The following OCA2 variants were observed in gnomAD, a reference collection of about 807,000 sequenced individuals.
OCA2 encodes P protein.
A neutral mutation model predicts 100.2 loss-of-function variants in OCA2; 77 were observed. The ratio of observed to expected loss-of-function variants is 0.77; its 90% CI spans 0.64 to 0.93. The LOEUF (loss-of-function observed/expected upper bound fraction) is 0.93. OCA2 is among the 40% of genes least tolerant of loss of function. The probability of loss-of-function intolerance (pLI) is 0.00; values close to 1 mark genes in which losing one functional copy is unlikely to be tolerated. For synonymous variants in OCA2, 432 were observed against 439.2 expected, an observed-to-expected ratio of 0.98 and a Z score of 0.21; for missense variants, 1,062 against 1,089.1, an observed-to-expected ratio of 0.98 and a Z score of 0.35.
chr15:27,779,785 AT>A (rs2151083636), intron 23 of OCA2, among the ~76,000 whole-genome samples: 1 of 152,272 alleles, frequency 6.6e-6, no homozygotes, highest in East Asian at 1.9e-4. Context: ...ATAGGGAAGG[AT>A]TTACTATTGC....
chr15:27,821,408 G>A (rs1301997233), intron 23 of OCA2, among the ~76,000 whole-genome samples: 1 of 152,064 alleles, frequency 6.6e-6, no homozygotes, highest in African/African-American at 2.4e-5. Flanking sequence ...ACCCACATGG[G>A]CACATACATG....
intron 19 of OCA2, among the ~76,000 whole-genome samples, chr15:27,907,889 A>G (rs1180064472): frequency 6.6e-6 from 1 of 152,200 alleles, no homozygotes; most frequent in African/African-American, 2.4e-5. Context: ...CCCAAAAAAG[A>G]GCCAGGCCAA....
intron 11 of OCA2, 77 bp downstream of exon 11, chr15:27,989,524 C>A (rs1396360399): frequency 3.5e-6 from 4 of 1,153,556 alleles, no homozygotes; most frequent in Admixed American, 1.7e-5. Context: ...TAATGAAGGA[C>A]CCTCAGCGGT....
At position 28,016,141 on chromosome 15, in the gene OCA2, G is replaced by A; in HGVS notation, c.853C>T (p.His285Tyr). The change falls in exon 8 of 24, where the codon CAC becomes TAC. Residue 285 changes from histidine to tyrosine, a missense_variant. Transcript: ENST00000354638. ...TCAAAGGTCCTGCTCATCACTGAGT[G>A]CTCGCTTCTCCTCGGATTTAAATAC... is the stretch of plus-strand genomic sequence containing the variant. Reference protein sequence around the residue: ...TVYLNPRRSEHSVMSRTFEVL... With the variant: ...TVYLNPRRSEYSVMSRTFEVL... 6.2e-7 allele frequency: 1 copy of A among 1,614,176 alleles called. No individual in the cohort carries two copies. The highest frequency in any genetic ancestry group is 1.6e-4 in the Middle Eastern group (1 of 6,062).
the OCA2 span, among the ~76,000 whole-genome samples, chr15:27,738,991 G>C: frequency 2.2e-5 from 1 of 44,996 alleles, no homozygotes; most frequent in Admixed American, 2.0e-4. Context: ...TGCTCTACAG[G>C]TGGGACCCTG....
At chr15:27,774,581 T>A (rs2032082157) in intron 23 of OCA2, among the ~76,000 whole-genome samples, 1 of 152,230 alleles carries the variant, frequency 6.6e-6, no homozygotes, top group Non-Finnish European at 1.5e-5. Context: ...GTGAGACCAT[T>A]TTGGTTTCTC....
intron 19 of OCA2, among the ~76,000 whole-genome samples, chr15:27,877,383 AT>A (rs142582506): frequency 1.3e-4 from 19 of 150,906 alleles, no homozygotes; most frequent in African/African-American, 4.4e-4. Context: ...GGCTTTCCTG[AT>A]TTTTTTTTGT....
At chr15:27,982,972 T>A (rs551521773) in intron 14 of OCA2, among the ~76,000 whole-genome samples, 1 of 152,324 alleles carries the variant, frequency 6.6e-6, no homozygotes, top group African/African-American at 2.4e-5. Context: ...ATCAGTAAAC[T>A]AATCCACCAC....
intron 3 of OCA2, among the ~76,000 whole-genome samples, chr15:28,030,796 A>C (rs2042886901): frequency 6.6e-6 from 1 of 152,246 alleles, no homozygotes; most frequent in South Asian, 2.1e-4. Context: ...AGTGATTCAA[A>C]ATCAAAGCTG....
Position 28,018,521 on chromosome 15 carries a change from A to G in OCA2, c.683T>C (p.Leu228Pro). Residue 228 changes from leucine (L) to proline (P), a missense_variant, in exon 7 of 24, where the codon CTG (leucine) becomes CCG (proline). Transcript: ENST00000354638. ...TAGGGCCCCTGCCAGGTCCACCTGCAGCAGCGTGGAGTCCACGTGGCTGCT... is the reference window on the plus strand; with the variant it reads ...TAGGGCCCCTGCCAGGTCCACCTGCGGCAGCGTGGAGTCCACGTGGCTGCT... ...NLSSHVDSTL[L>P]QVDLAGALVA... 6.2e-7 allele frequency: 1 copy of G among 1,613,710 alleles called. No homozygotes were observed. The highest frequency in any genetic ancestry group is 8.5e-7 in the Non-Finnish European group (1 of 1,179,938).
At chr15:28,041,210 T>C (rs1214953871) in intron 2 of OCA2, among the ~76,000 whole-genome samples, 1 of 150,122 alleles carries the variant, frequency 6.7e-6, no homozygotes, top group Non-Finnish European at 1.5e-5. Context: ...TGGCTTAAAA[T>C]GGGAAAAATC....
the OCA2 span, among the ~76,000 whole-genome samples, chr15:27,739,402 T>G: frequency 6.6e-6 from 1 of 151,570 alleles, no homozygotes; most frequent in Non-Finnish European, 1.5e-5. Context: ...TGCCTGCTGA[T>G]CATTACACTT....
Position 28,007,199 on chromosome 15 carries a change from T to A in OCA2, c.1044+7577A>T, listed in dbSNP as rs1167929550. Among the ~76,000 whole-genome samples, 4 of 152,230 alleles carry A rather than the reference T, an allele frequency of 2.6e-5. No homozygotes were observed. The South Asian group carries it at 6.2e-4, about 24-fold the overall frequency. On this transcript the variant is annotated intron_variant, in intron 9 of 23. Coordinates refer to ENST00000354638, the MANE Select transcript of OCA2 (RefSeq NM_000275.3). ...TTAAAACATAATACCAGGGGTTGGA[T>A]GGAAGACATATGGAGAAAATGCACT...
At chr15:27,896,362 T>C in intron 19 of OCA2, 1 of 763,370 alleles carries the variant, frequency 1.3e-6, no homozygotes, top group African/African-American at 1.7e-5. Context: ...AAACAGTTCG[T>C]TCAATACAGG....
At chr15:27,771,310 C>T (rs2031832829) in intron 23 of OCA2, among the ~76,000 whole-genome samples, 1 of 151,958 alleles carries the variant, frequency 6.6e-6, no homozygotes, top group Admixed American at 6.6e-5. Flanking sequence ...CACTCCACGG[C>T]CCCAGCTCGG....
At chr15:27,827,695 A>G (rs2034787161) in intron 23 of OCA2, among the ~76,000 whole-genome samples, 1 of 152,234 alleles carries the variant, frequency 6.6e-6, no homozygotes, top group Non-Finnish European at 1.5e-5. Context: ...TTTTATTTTA[A>G]GCTTAGTGGA....
chr15:27,762,630 A>G (rs2030934072), intron 23 of OCA2, among the ~76,000 whole-genome samples: 1 of 152,192 alleles, frequency 6.6e-6, no homozygotes, highest in African/African-American at 2.4e-5. Context: ...CACCCTGCAC[A>G]TTCAGTGATG....
Position 27,853,325 on chromosome 15 carries a change from A to T in OCA2, c.2245-1850T>A, listed in dbSNP as rs2035830297. On this transcript the variant is annotated intron_variant, in intron 21 of 23. Transcript: ENST00000354638. Reference sequence around the variant, plus strand: ...ATTCTCAGTAAATTATCGCAAGAACAAAAAACCAAACACCGCATATTCTCA... The same window carrying T: ...ATTCTCAGTAAATTATCGCAAGAACTAAAAACCAAACACCGCATATTCTCA... 2.8e-5 allele frequency among the ~76,000 whole-genome samples: 4 copies of T among 143,878 alleles called. No individual in the cohort carries two copies. In the South Asian group the frequency reaches 9.3e-4, roughly 33 times the overall value. The allele number at this position is 143,878 out of a possible 152,430, so 94.4% of individuals were successfully genotyped here.
intron 23 of OCA2, among the ~76,000 whole-genome samples, chr15:27,815,476 A>G (rs2151242446): frequency 6.6e-6 from 1 of 152,306 alleles, no homozygotes; most frequent in South Asian, 2.1e-4. Flanking sequence ...GGGTTTAGAG[A>G]ATAGGCGTCT....
Sources: allele counts gnomAD v4.1 joint callset (sites outside exome capture counted in the v4.1 genomes callset), GRCh38; gene constraint gnomAD v4.1.1; transcripts MANE v1.5; gene names NCBI Gene and HGNC (gene_info 2026-07-23, HGNC 2026-07-21).